CSMD2: variants seen among roughly 807,000 people sequenced by gnomAD.
The protein encoded by CSMD2 is CUB and Sushi multiple domains 2.
In CSMD2, 130 loss-of-function variants were observed where a neutral mutation model predicts 398.5. That is an observed-to-expected ratio of 0.33 (90% confidence interval 0.28 to 0.38). The LOEUF is 0.38. Ranked by LOEUF, CSMD2 falls within the 10% of genes least tolerant of loss-of-function variation. CSMD2 has a pLI of 1.00. For missense variants in CSMD2, 3,829 were observed against 4,764.9 expected (o/e 0.80, Z 5.78); for synonymous variants, 1,828 against 1,908.5 (o/e 0.96, Z 1.10).
Position 33,580,919 on chromosome 1 carries a change from G to A in CSMD2, c.7241-20C>T. 1 of 1,613,260 alleles carries A rather than the reference G, an allele frequency of 6.2e-7. No homozygotes were observed. The highest frequency in any genetic ancestry group is 8.5e-7 in the Non-Finnish European group (1 of 1,179,594). On this transcript the variant is annotated intron_variant, in intron 47 of 70. Coordinates refer to ENST00000373381, the MANE Select transcript of CSMD2 (RefSeq NM_001281956.2). ...ATGGACCTGGGGTGAGAAGGACGCAGGATTACAGACCATGGGAGCCATCAC... is the reference window on the plus strand; with the variant it reads ...ATGGACCTGGGGTGAGAAGGACGCAAGATTACAGACCATGGGAGCCATCAC...
Position 34,032,713 on chromosome 1 carries a change from G to T in CSMD2, c.405-7C>A. ...CAGCTGAAAGCCTGTGAGCCTGAAA[G>T]ACAAAGAATTGGATTAGGGAGAATG... is the stretch of plus-strand genomic sequence containing the variant. On this transcript the variant is annotated splice_region_variant and splice_polypyrimidine_tract_variant and intron_variant, in intron 2 of 70. Transcript: ENST00000373381. The T allele has an allele frequency of 1.9e-6, 3 of 1,568,720 alleles. No individual in the cohort carries two copies. The highest frequency in any genetic ancestry group is 2.6e-6 in the Non-Finnish European group (3 of 1,153,514).
Position 33,716,525 on chromosome 1 carries a change from G to A in CSMD2, c.3002-24C>T, listed in dbSNP as rs112954282. On this transcript the variant is annotated intron_variant, in intron 19 of 70. Transcript: ENST00000373381. The stretch of plus-strand genomic sequence containing the variant: ...ACCTGCCAAGAGACCAGAGGGTCAG[G>A]TTGTTGATGGCGAGATGGCTGGAGA... 8.3e-6 allele frequency: 13 copies of A among 1,573,592 alleles called. No homozygotes were observed. The African/African-American group carries it at 9.4e-5, about 11-fold the overall frequency.
intron 5 of CSMD2, among the ~76,000 whole-genome samples, chr1:33,885,752 T>A (rs1410512024): frequency 6.6e-6 from 1 of 152,208 alleles, no homozygotes; most frequent in Non-Finnish European, 1.5e-5. Context: ...AATATGTGTA[T>A]GGAGAAAGAT....
chr1:33,865,145 C>A (rs1487839776), intron 5 of CSMD2, among the ~76,000 whole-genome samples: 1 of 151,340 alleles, frequency 6.6e-6, no homozygotes, highest in African/African-American at 2.4e-5. Context: ...GGTGAGAGGA[C>A]CCTACTCAGT....
At chr1:33,560,213 G>A (rs1405569090) in intron 53 of CSMD2, among the ~76,000 whole-genome samples, 1 of 152,190 alleles carries the variant, frequency 6.6e-6, no homozygotes, top group Admixed American at 6.5e-5. Context: ...GTGGGTGGGT[G>A]AATCCATCTC....
At chr1:34,151,953 C>T (rs527289915) in intron 1 of CSMD2, among the ~76,000 whole-genome samples, 17 of 152,262 alleles carry the variant, frequency 1.1e-4, no homozygotes, top group South Asian at 4.2e-4. Context: ...AGCCATCCCC[C>T]GGCCTCAGCC....
chr1:33,644,724 TG>T (rs1309505362), intron 29 of CSMD2, among the ~76,000 whole-genome samples: 1 of 152,022 alleles, frequency 6.6e-6, no homozygotes, highest in African/African-American at 2.4e-5. Context: ...GGGATGGTGG[TG>T]GTGGGAGCAA....
In CSMD2 at chr1:33,568,700, T is replaced by C. The variant is rs1404379632; in HGVS notation, c.8131+674A>G. Among the ~76,000 whole-genome samples the C allele has an allele frequency of 2.9e-4, 44 of 152,190 alleles. 1 individual carries two copies. The highest frequency in any genetic ancestry group is 2.9e-3 in the Admixed American group (44 of 15,282). The stretch of plus-strand genomic sequence containing the variant: ...TATATTCCTGGCATTTCTACCAGCT[T>C]CCTTTGGCTCTCTGTGGAAATAACC... On this transcript the variant is annotated intron_variant, in intron 52 of 70. Transcript: ENST00000373381.
Position 33,622,174 on chromosome 1 carries a change from C to A in CSMD2, c.5820G>T (p.Glu1940Asp), listed in dbSNP as rs758751230. 2 of 1,612,658 alleles carry A rather than the reference C, an allele frequency of 1.2e-6. No individual in the cohort carries two copies. The highest frequency in any genetic ancestry group is 1.7e-6 in the Non-Finnish European group (2 of 1,178,794). Reference protein sequence around the residue: ...ISVSAAGFHLEYKTVGLSSCP... With the variant: ...ISVSAAGFHLDYKTVGLSSCP... ...AAGACCCTGGATTCTCACTTTTGTACTCCAAGTGGAAGCCAGCTGCAGATA... is the reference window on the plus strand; with the variant it reads ...AAGACCCTGGATTCTCACTTTTGTAATCCAAGTGGAAGCCAGCTGCAGATA... The change falls in exon 37 of 71, where the codon GAG becomes GAT. Residue 1940 changes from glutamate to aspartate, a missense_variant. Around this residue, in one of 5 missense-constraint regions of CSMD2, gnomAD observed 2,001 missense variants for 2,567.1 expected, o/e 0.78. Coordinates refer to ENST00000373381, the MANE Select transcript of CSMD2 (RefSeq NM_001281956.2).
chr1:34,150,629 C>A (rs1640220000), intron 1 of CSMD2, among the ~76,000 whole-genome samples: 1 of 152,110 alleles, frequency 6.6e-6, no homozygotes, highest in Admixed American at 6.6e-5. Context: ...CAAGGGACAG[C>A]CAACCAGGGA....
chr1:33,576,970 C>T (rs762341983), intron 49 of CSMD2, among the ~76,000 whole-genome samples: 21 of 152,156 alleles, frequency 1.4e-4, no homozygotes, highest in Non-Finnish European at 2.4e-4. Flanking sequence ...GGAACCCAAG[C>T]ATCCCCTCTG....
At chr1:33,657,563 G>A (rs1162360022) in intron 27 of CSMD2, among the ~76,000 whole-genome samples, 1 of 152,160 alleles carries the variant, frequency 6.6e-6, no homozygotes, top group South Asian at 2.1e-4. Context: ...CTGAGGCTGT[G>A]GGTGCCCTTC....
intron 1 of CSMD2, among the ~76,000 whole-genome samples, chr1:34,090,907 C>T (rs1658488804): frequency 6.6e-6 from 1 of 152,152 alleles, no homozygotes. Context: ...GCTTCATATC[C>T]ACCAGCTTTC....
intron 27 of CSMD2, among the ~76,000 whole-genome samples, chr1:33,654,693 C>T (rs1331108411): frequency 6.6e-6 from 1 of 152,216 alleles, no homozygotes; most frequent in African/African-American, 2.4e-5. Context: ...AGCCTAGAAA[C>T]AGAGTCTGAT....
chr1:33,979,593 T>C (rs1423123681), intron 3 of CSMD2, among the ~76,000 whole-genome samples: 1 of 152,204 alleles, frequency 6.6e-6, no homozygotes, highest in Non-Finnish European at 1.5e-5. Context: ...TCTGGCTTTG[T>C]GCAGAGTTCT....
intron 25 of CSMD2, among the ~76,000 whole-genome samples, chr1:33,674,568 G>A (rs1337248724): frequency 6.6e-6 from 1 of 152,118 alleles, no homozygotes; most frequent in Non-Finnish European, 1.5e-5. Context: ...AAGTTAACAA[G>A]GATATCCAGG....
At position 33,586,500 on chromosome 1, in the gene CSMD2, T is replaced by C. The variant is rs1216057777; in HGVS notation, c.7051+4A>G. ...CCCATACAGATGCGGCTCCATGCAATTACCTTCACATATCGGGGGTGGTCC... is the reference window on the plus strand; with the variant it reads ...CCCATACAGATGCGGCTCCATGCAACTACCTTCACATATCGGGGGTGGTCC... On this transcript the variant is annotated splice_donor_region_variant and intron_variant, in intron 46 of 70. Transcript: ENST00000373381. 6.2e-7 allele frequency: 1 copy of C among 1,600,452 alleles called. No individual in the cohort carries two copies. The highest frequency in any genetic ancestry group is 8.6e-7 in the Non-Finnish European group (1 of 1,167,804).
At chr1:33,841,000 A>G (rs1660794238) in intron 6 of CSMD2, among the ~76,000 whole-genome samples, 1 of 152,236 alleles carries the variant, frequency 6.6e-6, no homozygotes, top group Non-Finnish European at 1.5e-5. Context: ...TGTTATTATA[A>G]AAAGCCTCAA....
At chr1:34,095,637 C>T (rs1323404119) in intron 1 of CSMD2, among the ~76,000 whole-genome samples, 8 of 151,870 alleles carry the variant, frequency 5.3e-5, no homozygotes, top group East Asian at 3.9e-4. Flanking sequence ...AACACCTCTA[C>T]GCAAATAAAC....
Sources: gnomAD v4.1 joint callset for allele counts (sites outside exome capture counted in the v4.1 genomes callset) on GRCh38, gnomAD v4.1.1 for gene constraint, gnomAD v4.1.1 regional missense constraint, MANE v1.5 for transcripts, NCBI Gene and HGNC (gene_info 2026-07-23, HGNC 2026-07-21) for gene names.